XYLT1: variants seen among roughly 807,000 people sequenced by gnomAD.
XYLT1 encodes the protein xylosyltransferase 1.
A neutral mutation model predicts 91.3 loss-of-function variants in XYLT1; 36 were observed. The observed-to-expected ratio is 0.39, with a 90% confidence interval of 0.30 to 0.52. The LOEUF (loss-of-function observed/expected upper bound fraction) is 0.52, where lower values mean the gene tolerates loss of function less well. XYLT1 is among the 20% of genes least tolerant of loss of function. The pLI is 0.68. For synonymous variants in XYLT1, 588 were observed against 532.0 expected (o/e 1.11, Z -1.45); for missense variants, 1,242 against 1,284.5 (o/e 0.97, Z 0.51).
chr16:17,427,104 T>A (rs558751298), intron 1 of XYLT1, among the ~76,000 whole-genome samples: 7 of 152,328 alleles, frequency 4.6e-5, no homozygotes, highest in Non-Finnish European at 1.0e-4. Context: ...AAGGGCTTCC[T>A]GCTAACACTC....
intron 11 of XYLT1, among the ~76,000 whole-genome samples, chr16:17,109,564 C>T (rs376354326): frequency 6.6e-6 from 1 of 152,066 alleles, no homozygotes; most frequent in South Asian, 2.1e-4. Flanking sequence ...GGTATTGAGA[C>T]AAGAGGGTTG....
intron 10 of XYLT1, among the ~76,000 whole-genome samples, chr16:17,118,362 A>G (rs543852137): frequency 7.0e-4 from 107 of 152,318 alleles, no homozygotes; most frequent in African/African-American, 2.5e-3. Flanking sequence ...CTCAACAGGT[A>G]CAGCGGGTTT....
intron 3 of XYLT1, among the ~76,000 whole-genome samples, chr16:17,245,672 C>T (rs2033424402): frequency 6.6e-6 from 1 of 152,194 alleles, no homozygotes. Context: ...CATTAAAAGG[C>T]TCTAACACCA....
At chr16:17,244,988 C>A (rs546661658) in intron 3 of XYLT1, among the ~76,000 whole-genome samples, 7 of 152,302 alleles carry the variant, frequency 4.6e-5, no homozygotes, top group African/African-American at 1.7e-4. Context: ...CAGATTTATA[C>A]ATCAGTTTCA....
intron 10 of XYLT1, among the ~76,000 whole-genome samples, chr16:17,126,265 C>G (rs146384842): frequency 6.6e-6 from 1 of 152,298 alleles, no homozygotes; most frequent in South Asian, 2.1e-4. Flanking sequence ...CAGAAGTACC[C>G]AGTCACCCAA....
At position 17,259,094 on chromosome 16, in the gene XYLT1, G is replaced by A. The variant is rs779671035; in HGVS notation, c.807C>T (p.Ser269=). The change falls in exon 3 of 12, where the codon TCC becomes TCT. Residue 269 remains serine, a synonymous_variant. Transcript: ENST00000261381. Reference sequence around the variant, plus strand: ...GGCGGCAGTGCTTGGACTTAGCACGGGACAGGGCAGAGATGGCCTCCTTGC... The same window carrying A: ...GGCGGCAGTGCTTGGACTTAGCACGAGACAGGGCAGAGATGGCCTCCTTGC... ...ISGKEAISAL[S]RAKSKHCRQE... 2.6e-5 allele frequency: 40 copies of A among 1,559,058 alleles called. No homozygotes were observed. Among genetic ancestry groups the A allele is most frequent in the Middle Eastern group, 3.5e-4 (2 of 5,730 alleles).
intron 5 of XYLT1, among the ~76,000 whole-genome samples, chr16:17,172,847 C>T (rs2031856739): frequency 6.6e-6 from 1 of 152,142 alleles, no homozygotes; most frequent in South Asian, 2.1e-4. Flanking sequence ...GTTGTATGGG[C>T]CCATTTCATT....
At chr16:17,128,420 G>A (rs2030338561) in intron 9 of XYLT1, among the ~76,000 whole-genome samples, 1 of 152,110 alleles carries the variant, frequency 6.6e-6, no homozygotes, top group Non-Finnish European at 1.5e-5. Context: ...ATTTGATAGA[G>A]CAAGTTCTCT....
chr16:17,285,400 A>G (rs1189861260), intron 2 of XYLT1, among the ~76,000 whole-genome samples: 2 of 152,166 alleles, frequency 1.3e-5, no homozygotes, highest in Admixed American at 6.5e-5. Flanking sequence ...ATCTGCTCTC[A>G]GGGGATCTCC....
intron 1 of XYLT1, among the ~76,000 whole-genome samples, chr16:17,433,261 G>A (rs72783540): frequency 0.15 from 22,479 of 152,106 alleles, 1,838 homozygotes; most frequent in African/African-American, 0.19. Context: ...ACTCTTTTGA[G>A]GTCACACTCT....
At chr16:17,223,665 A>G (rs893278854) in intron 3 of XYLT1, among the ~76,000 whole-genome samples, 4 of 152,346 alleles carry the variant, frequency 2.6e-5, no homozygotes, top group Non-Finnish European at 4.4e-5. Flanking sequence ...CCTGAATTAC[A>G]ACATGGAGGG....
At chr16:17,268,759 G>A (rs1459718967) in intron 2 of XYLT1, among the ~76,000 whole-genome samples, 4 of 147,226 alleles carry the variant, frequency 2.7e-5, no homozygotes, top group East Asian at 2.0e-4. Flanking sequence ...CGCAACCTCC[G>A]CTTCCCGGGT....
intron 1 of XYLT1, among the ~76,000 whole-genome samples, chr16:17,395,827 C>T (rs6498701): frequency 0.2 from 30,658 of 152,136 alleles, 3,448 homozygotes; most frequent in Non-Finnish European, 0.27. Context: ...AGGGACCCTT[C>T]GGGGAAGGAC....
At chr16:17,176,278 G>A (rs1021463814) in intron 5 of XYLT1, among the ~76,000 whole-genome samples, 2 of 152,180 alleles carry the variant, frequency 1.3e-5, no homozygotes, top group Non-Finnish European at 2.9e-5. Context: ...ACTGTCACCC[G>A]GGCAGCTTGG....
intron 5 of XYLT1, among the ~76,000 whole-genome samples, chr16:17,173,866 G>A (rs551330132): frequency 1.3e-5 from 2 of 152,346 alleles, no homozygotes; most frequent in South Asian, 4.1e-4. Context: ...TCTAAGTTGA[G>A]CAAAGATTTG....
chr16:17,136,721 T>C (rs1219415216), intron 8 of XYLT1, among the ~76,000 whole-genome samples: 1 of 152,174 alleles, frequency 6.6e-6, no homozygotes, highest in Non-Finnish European at 1.5e-5. Context: ...TCCAAGTTCT[T>C]CGCGCAAGAA....
intron 1 of XYLT1, among the ~76,000 whole-genome samples, chr16:17,404,961 C>T (rs529519262): frequency 6.6e-6 from 1 of 152,284 alleles, no homozygotes; most frequent in East Asian, 1.9e-4. Flanking sequence ...ACACAGAATA[C>T]AACATACACT....
Position 17,397,886 on chromosome 16 carries a change from G to A in XYLT1, c.364-39836C>T, listed in dbSNP as rs192847455. ...TGCCCAGGCTGGAGTGCAGTGGTGCGATCTCGGCTCACTGCAACCTCTGCC... is the reference window on the plus strand; with the variant it reads ...TGCCCAGGCTGGAGTGCAGTGGTGCAATCTCGGCTCACTGCAACCTCTGCC... On this transcript the variant is annotated intron_variant, in intron 1 of 11. Transcript: ENST00000261381. 1.1e-3 allele frequency among the ~76,000 whole-genome samples: 154 copies of A among 145,448 alleles called. 1 individual carries two copies. Among genetic ancestry groups the A allele is most frequent in the African/African-American group, 3.7e-3 (143 of 38,480 alleles).
Position 17,134,550 on chromosome 16 carries a change from G to A in XYLT1, c.1950C>T (p.Thr650=), listed in dbSNP as rs767696291. ...CCAGGCGGGCAAAGGAGTGGTACAAGGTGAGTGTCACGTCGCTCAGGCTGT... is the reference window on the plus strand; with the variant it reads ...CCAGGCGGGCAAAGGAGTGGTACAAAGTGAGTGTCACGTCGCTCAGGCTGT... ...GIHSLSDVTL[T]LYHSFARLGL... The change falls in exon 9 of 12, where the codon ACC becomes ACT. Residue 650 remains threonine, a synonymous_variant. Coordinates refer to ENST00000261381, the MANE Select transcript of XYLT1 (RefSeq NM_022166.4). 5 of 1,614,036 alleles carry A rather than the reference G, an allele frequency of 3.1e-6. No individual in the cohort carries two copies. The East Asian group carries it at 1.1e-4, about 36-fold the overall frequency.
Sources: gnomAD v4.1 joint callset for allele counts (sites outside exome capture counted in the v4.1 genomes callset) on GRCh38, gnomAD v4.1.1 for gene constraint, MANE v1.5 for transcripts, NCBI Gene and HGNC (gene_info 2026-07-23, HGNC 2026-07-21) for gene names.